PCP4L1: variants seen among roughly 807,000 people sequenced by gnomAD.
PCP4L1 encodes Purkinje cell protein 4-like protein 1.
In PCP4L1, 9 loss-of-function variants were observed where a neutral mutation model predicts 9.6. The observed-to-expected ratio is 0.94, with a 90% CI of 0.57 to 1.64. The LOEUF is 1.64. PCP4L1 is among the 40% of genes most tolerant of loss of function. PCP4L1 has a pLI of 0.00. For synonymous variants in PCP4L1, 31 were observed against 28.2 expected, an observed-to-expected ratio of 1.10 and a Z score of -0.31; for missense variants, 81 against 80.8, an observed-to-expected ratio of 1.00 and a Z score of -0.01.
chr1:161,272,708 T>C (rs1398048226), intron 1 of PCP4L1, among the ~76,000 whole-genome samples: 1 of 151,950 alleles, frequency 6.6e-6, no homozygotes, highest in African/African-American at 2.4e-5. Context: ...TAAGGATAAA[T>C]ATATTTATTT....
chr1:161,283,217 T>G (rs1400027570), intron 1 of PCP4L1, among the ~76,000 whole-genome samples: 1 of 152,198 alleles, frequency 6.6e-6, no homozygotes, highest in Non-Finnish European at 1.5e-5. Context: ...CAGATATCTA[T>G]GAGCCTTACT....
At chr1:161,282,058 C>T (rs1669827008) in intron 1 of PCP4L1, among the ~76,000 whole-genome samples, 1 of 152,188 alleles carries the variant, frequency 6.6e-6, no homozygotes, top group Non-Finnish European at 1.5e-5. Context: ...GAGGTTGTAG[C>T]AAGCGGAGAT....
chr1:161,265,459 G>A (rs560790396), intron 1 of PCP4L1, among the ~76,000 whole-genome samples: 20 of 152,232 alleles, frequency 1.3e-4, no homozygotes, highest in Admixed American at 7.2e-4. Flanking sequence ...AGGAGATCAA[G>A]CTGCAGTGAG....
chr1:161,263,384 C>G (rs959075424), intron 1 of PCP4L1, among the ~76,000 whole-genome samples: 1 of 151,412 alleles, frequency 6.6e-6, no homozygotes, highest in East Asian at 2.0e-4. Flanking sequence ...ATTACAGGCA[C>G]TCGCCACCAC....
intron 1 of PCP4L1, among the ~76,000 whole-genome samples, chr1:161,264,165 G>C (rs954351716): frequency 3.4e-5 from 5 of 148,340 alleles, no homozygotes; most frequent in African/African-American, 1.2e-4. Flanking sequence ...CACCTGTCTT[G>C]GTCTCCCAAA....
At chr1:161,272,291 G>A (rs947131108) in intron 1 of PCP4L1, among the ~76,000 whole-genome samples, 2 of 150,882 alleles carry the variant, frequency 1.3e-5, no homozygotes, top group African/African-American at 2.4e-5. Flanking sequence ...TGGGCACAGT[G>A]GCTCACGCCT....
chr1:161,284,306 T>C (rs1669870304), intron 2 of PCP4L1, 33 bp from the exon 3 acceptor site: 5 of 1,613,680 alleles, frequency 3.1e-6, no homozygotes, highest in Non-Finnish European at 4.2e-6. Flanking sequence ...CAGGTCAGAT[T>C]AACTCATTAA....
chr1:161,281,883 G>A (rs556460878), intron 1 of PCP4L1, among the ~76,000 whole-genome samples: 37 of 151,258 alleles, frequency 2.4e-4, no homozygotes, highest in African/African-American at 8.5e-4. Context: ...GGGCAGAGAC[G>A]CTCCTCACTT....
intron 1 of PCP4L1, among the ~76,000 whole-genome samples, chr1:161,269,938 G>A (rs1385832585): frequency 6.6e-6 from 1 of 151,972 alleles, no homozygotes; most frequent in Non-Finnish European, 1.5e-5. Context: ...GGCCAAGGCT[G>A]CAGTGAGCTG....
At chr1:161,262,453 A>AAG (rs1553256894) in intron 1 of PCP4L1, among the ~76,000 whole-genome samples, 3,377 of 147,656 alleles carry the variant, frequency 0.023, 131 homozygotes, top group African/African-American at 0.086. Context: ...AAAAAAAAAA[A>AAG]AAAGAAATGC....
chr1:161,270,584 AG>A (rs1669607791), intron 1 of PCP4L1, among the ~76,000 whole-genome samples: 1 of 149,558 alleles, frequency 6.7e-6, no homozygotes, highest in Non-Finnish European at 1.5e-5. Flanking sequence ...AAAAAAAGAG[AG>A]ACCCCAGGCT....
intron 1 of PCP4L1, among the ~76,000 whole-genome samples, chr1:161,273,640 A>G (rs1228290435): frequency 6.6e-6 from 1 of 152,190 alleles, no homozygotes. Flanking sequence ...TAAAGAATGT[A>G]AACTATGGCT....
intron 1 of PCP4L1, among the ~76,000 whole-genome samples, chr1:161,278,043 T>C (rs1669730859): frequency 1.3e-5 from 2 of 152,318 alleles, no homozygotes; most frequent in South Asian, 4.1e-4. Context: ...ATTCAAGATA[T>C]CACTCTGGTA....
chr1:161,282,965 C>G (rs1669848489), intron 1 of PCP4L1, among the ~76,000 whole-genome samples: 1 of 152,120 alleles, frequency 6.6e-6, no homozygotes, highest in Non-Finnish European at 1.5e-5. Context: ...TTTCTGCATC[C>G]TTTCTCTTTC....
chr1:161,271,638 G>A (rs972794664), intron 1 of PCP4L1, among the ~76,000 whole-genome samples: 6 of 151,866 alleles, frequency 4.0e-5, no homozygotes, highest in Non-Finnish European at 8.8e-5. Context: ...TGAGTAGCTG[G>A]GACTACAGGC....
At chr1:161,262,471 C>T (rs1208936328) in intron 1 of PCP4L1, among the ~76,000 whole-genome samples, 1 of 151,390 alleles carries the variant, frequency 6.6e-6, no homozygotes, top group African/African-American at 2.4e-5. Flanking sequence ...TGCCTTCTAC[C>T]TCTGGAAACA....
intron 1 of PCP4L1, among the ~76,000 whole-genome samples, chr1:161,268,894 G>A (rs34832672): frequency 0.049 from 7,522 of 152,172 alleles, 250 homozygotes; most frequent in Non-Finnish European, 0.072. Context: ...GCAGATGAGC[G>A]ATCTGAGCAC....
At chr1:161,266,133 G>A (rs372446445) in intron 1 of PCP4L1, among the ~76,000 whole-genome samples, 5 of 152,176 alleles carry the variant, frequency 3.3e-5, no homozygotes, top group Admixed American at 2.0e-4. Flanking sequence ...CTCACTGAAG[G>A]CTGATTTCTA....
In PCP4L1 at chr1:161,284,552, C is replaced by A; in HGVS notation, c.*71C>A. 1 of 1,554,444 alleles carries A rather than the reference C, an allele frequency of 6.4e-7. No individual in the cohort carries two copies. Among genetic ancestry groups the A allele is most frequent in the Non-Finnish European group, 8.7e-7 (1 of 1,147,416 alleles). ...TCTCCCCTTCTCCACACCCATGTATCTTTATCCCTTGTCCCTCTAGCCTTT... is the reference window on the plus strand; with the variant it reads ...TCTCCCCTTCTCCACACCCATGTATATTTATCCCTTGTCCCTCTAGCCTTT... On this transcript the variant is annotated 3_prime_UTR_variant, in exon 3 of 3. Coordinates refer to ENST00000504449, the MANE Select transcript of PCP4L1 (RefSeq NM_001102566.2).
Sources: gnomAD v4.1 joint callset for allele counts (sites outside exome capture counted in the v4.1 genomes callset) on GRCh38, gnomAD v4.1.1 for gene constraint, MANE v1.5 for transcripts, NCBI Gene and HGNC (gene_info 2026-07-23, HGNC 2026-07-21) for gene names.